SAMD3: variants seen among roughly 807,000 people sequenced by gnomAD.
SAMD3 encodes the protein sterile alpha motif domain-containing protein 3.
SAMD3 carries 63 observed loss-of-function variants against 58.5 expected under a neutral mutation model. The observed-to-expected ratio is 1.08, with a 90% CI of 0.88 to 1.33. SAMD3 has a LOEUF of 1.33. SAMD3 is among the 40% of genes most tolerant of loss of function. The pLI, the probability that SAMD3 is intolerant of heterozygous loss-of-function variation, is 0.00. For synonymous variants in SAMD3, 220 were observed against 210.3 expected (o/e 1.05, Z -0.40); for missense variants, 604 against 608.4 (o/e 0.99, Z 0.08).
intron 2 of SAMD3, among the ~76,000 whole-genome samples, chr6:130,247,004 T>A (rs946316246): frequency 1.3e-5 from 2 of 152,208 alleles, no homozygotes; most frequent in East Asian, 1.9e-4. Flanking sequence ...AGAACCCAGA[T>A]TATTATTTCT....
chr6:130,316,582 A>G (rs1442825802), intron 1 of SAMD3, among the ~76,000 whole-genome samples: 2 of 152,170 alleles, frequency 1.3e-5, no homozygotes, highest in African/African-American at 4.8e-5. Context: ...CCTCACAAAT[A>G]CCCCATGAGG....
intron 1 of SAMD3, among the ~76,000 whole-genome samples, chr6:130,363,439 ATCT>A (rs1321846392): frequency 6.6e-6 from 1 of 152,152 alleles, no homozygotes; most frequent in African/African-American, 2.4e-5. Context: ...GAAAATGTTG[ATCT>A]TCATATTTTG....
At chr6:130,264,318 C>T (rs1406997403) in intron 2 of SAMD3, among the ~76,000 whole-genome samples, 1 of 152,230 alleles carries the variant, frequency 6.6e-6, no homozygotes, top group Non-Finnish European at 1.5e-5. Context: ...ACTAAGTTCA[C>T]TTCATGTCTC....
intron 2 of SAMD3, among the ~76,000 whole-genome samples, chr6:130,243,468 C>G (rs974268856): frequency 1.3e-5 from 2 of 152,132 alleles, no homozygotes; most frequent in African/African-American, 4.8e-5. Context: ...ATCTAAAGTA[C>G]CAGATGCTGT....
At chr6:130,218,401 T>A (rs939543999) in intron 1 of SAMD3, among the ~76,000 whole-genome samples, 1 of 152,200 alleles carries the variant, frequency 6.6e-6, no homozygotes, top group African/African-American at 2.4e-5. Context: ...GGTGTCTCAA[T>A]AGCAGCATGG....
intron 8 of SAMD3, among the ~76,000 whole-genome samples, chr6:130,169,196 A>C (rs1017738939): frequency 6.6e-6 from 1 of 152,140 alleles, no homozygotes; most frequent in African/African-American, 2.4e-5. Context: ...CACTCTGAAA[A>C]ATAAAATTAT....
intron 7 of SAMD3, among the ~76,000 whole-genome samples, chr6:130,180,281 T>C (rs186139292): frequency 0.013 from 1,641 of 126,434 alleles, 43 homozygotes; most frequent in African/African-American, 0.046. Context: ...CCACCATACC[T>C]GGCTAATTTT....
chr6:130,162,373 G>C lies in SAMD3; in HGVS notation c.823-7348C>G, dbSNP rs552019735. 6.9e-5 allele frequency: 46 copies of C among 662,216 alleles called. No individual in the cohort carries two copies. In the African/African-American group the frequency reaches 8.0e-4, roughly 12 times the overall value. 41.0% of individuals were successfully genotyped at this position (662,216 alleles called of 1,614,324 possible). A position where few individuals can be genotyped will look rare whatever the true frequency, so the allele number is the denominator to read the frequency against. ...GTAAGACGGCATGGTTAAAAATGTA[G>C]TTATAGCTTTTTTATCTCCCAGAAA... On this transcript the variant is annotated intron_variant, in intron 8 of 11. Transcript: ENST00000439090.
chr6:130,195,555 C>T (rs2114760430), intron 5 of SAMD3, among the ~76,000 whole-genome samples: 1 of 152,304 alleles, frequency 6.6e-6, no homozygotes, highest in East Asian at 1.9e-4. Flanking sequence ...TCAATACCTC[C>T]CTCTACAACC....
intron 2 of SAMD3, among the ~76,000 whole-genome samples, chr6:130,280,928 C>T (rs766463904): frequency 4.6e-5 from 7 of 152,164 alleles, no homozygotes; most frequent in Non-Finnish European, 7.4e-5. Flanking sequence ...GGGATACATT[C>T]CAAGACCTCC....
At chr6:130,153,964 A>G (rs1789488554) in intron 9 of SAMD3, among the ~76,000 whole-genome samples, 1 of 151,992 alleles carries the variant, frequency 6.6e-6, no homozygotes, top group Admixed American at 6.6e-5. Flanking sequence ...GGCATGAGCC[A>G]CCATGCCTGG....
chr6:130,239,213 C>T (rs969599909), intron 2 of SAMD3, among the ~76,000 whole-genome samples: 1 of 152,162 alleles, frequency 6.6e-6, no homozygotes, highest in Non-Finnish European at 1.5e-5. Context: ...GATAAAGCTG[C>T]CTCTATTTCC....
intron 8 of SAMD3, among the ~76,000 whole-genome samples, chr6:130,157,269 G>GA (rs529168953): frequency 6.6e-6 from 1 of 150,562 alleles, no homozygotes; most frequent in African/African-American, 2.4e-5. Context: ...TATGATTAAA[G>GA]AAAAAAACTT....
intron 1 of SAMD3, among the ~76,000 whole-genome samples, chr6:130,350,271 A>G (rs955277241): frequency 3.9e-5 from 6 of 152,046 alleles, no homozygotes; most frequent in African/African-American, 1.4e-4. Context: ...AGGAAAAGAG[A>G]AAGTCAAATT....
chr6:130,231,951 C>G (rs1381386466), intron 2 of SAMD3, among the ~76,000 whole-genome samples: 1 of 152,096 alleles, frequency 6.6e-6, no homozygotes, highest in Non-Finnish European at 1.5e-5. Context: ...TAGCTCCTAC[C>G]TCATGGTTAC....
intron 2 of SAMD3, among the ~76,000 whole-genome samples, chr6:130,248,683 G>A (rs1302199674): frequency 6.6e-6 from 1 of 152,136 alleles, no homozygotes; most frequent in Non-Finnish European, 1.5e-5. Context: ...TCTGGCACTG[G>A]GGGAATTAGT....
At chr6:130,179,522 C>A (rs988422557) in intron 7 of SAMD3, among the ~76,000 whole-genome samples, 2 of 150,530 alleles carry the variant, frequency 1.3e-5, no homozygotes, top group African/African-American at 2.4e-5. Context: ...GAATGTGGAC[C>A]GTCTTACATG....
intron 2 of SAMD3, 29 bp from the exon 3 acceptor site, chr6:130,215,323 C>T (rs1795939270): frequency 1.4e-6 from 2 of 1,430,066 alleles, no homozygotes; most frequent in East Asian, 2.4e-5. Flanking sequence ...GAGAATTCTC[C>T]AGCTTTTCTT....
At chr6:130,254,105 T>C (rs1471171600) in intron 2 of SAMD3, among the ~76,000 whole-genome samples, 2 of 152,116 alleles carry the variant, frequency 1.3e-5, no homozygotes, top group Admixed American at 6.5e-5. Context: ...TTGATTTGCC[T>C]ACCTCAGCTC....
Sources: allele counts gnomAD v4.1 joint callset (sites outside exome capture counted in the v4.1 genomes callset), GRCh38; gene constraint gnomAD v4.1.1; transcripts MANE v1.5; gene names NCBI Gene and HGNC (gene_info 2026-07-23, HGNC 2026-07-21).